NELFE: variants seen among roughly 807,000 people sequenced by gnomAD.
NELFE encodes negative elongation factor E.
Under a neutral mutation model 55.5 loss-of-function variants are expected in NELFE, and 26 were observed. The observed-to-expected ratio is 0.47, with a 90% confidence interval of 0.34 to 0.65. The LOEUF (loss-of-function observed/expected upper bound fraction) is 0.65, where lower values mean the gene tolerates loss of function less well. NELFE is among the 30% of genes least tolerant of loss of function. The pLI, the probability that NELFE is intolerant of heterozygous loss-of-function variation, is 0.01. For synonymous variants in NELFE, 162 were observed against 178.0 expected (o/e 0.91, Z 0.72); for missense variants, 403 against 506.9 (o/e 0.80, Z 1.97).
At chr6:31,953,946 T>A (rs1265137922) in intron 9 of NELFE, 115 bp from the exon 10 acceptor site, 1 of 1,328,828 alleles carries the variant, frequency 7.5e-7, no homozygotes, top group Non-Finnish European at 1.1e-6. Flanking sequence ...TCTGAGAATG[T>A]GAGTTTTTCT....
chr6:31,952,413 G>C lies in NELFE; in HGVS notation c.1046-15C>G. On this transcript the variant is annotated splice_polypyrimidine_tract_variant and intron_variant, in intron 10 of 10. Coordinates refer to ENST00000375429, the MANE Select transcript of NELFE (RefSeq NM_002904.6). ...GTTCTGGACAGCTAGGGAGGGAGGA[G>C]AGGAACAGTTAAGGTCTAAAGGAGA... 6.3e-7 allele frequency: 1 copy of C among 1,589,678 alleles called. No homozygotes were observed. Among genetic ancestry groups the C allele is most frequent in the Non-Finnish European group, 8.6e-7 (1 of 1,158,300 alleles).
Position 31,954,935 on chromosome 6 carries a change from C to T in NELFE, c.405-43G>A. On this transcript the variant is annotated intron_variant, in intron 6 of 10. Transcript: ENST00000375429. The surrounding 1 kb of genome is among the most constrained non-coding windows in gnomAD (Gnocchi z 5.5). ...GAAGATCAAAGGGGGGTTTTACCTT[C>T]TCCCCTCAGACCCTGTGGAGACTCA... 2 of 1,589,540 alleles carry T rather than the reference C, an allele frequency of 1.3e-6. No homozygotes were observed. Among genetic ancestry groups the T allele is most frequent in the South Asian group, 1.1e-5 (1 of 88,568 alleles).
In NELFE at chr6:31,954,754, G is replaced by T; in HGVS notation, c.543C>A (p.Ser181=). The T allele has an allele frequency of 2.5e-6, 4 of 1,613,340 alleles. No individual in the cohort carries two copies. The highest frequency in any genetic ancestry group is 3.4e-6 in the Non-Finnish European group (4 of 1,180,012). Residue 181 remains serine, a synonymous_variant, in exon 7 of 11, where the codon TCC becomes TCA. Transcript: ENST00000375429. This position sits in a 1 kb window ranked among gnomAD's most constrained non-coding sequence, Gnocchi z 5.5. Reference sequence around the variant, plus strand: ...GGTCCCGGCTGCGGCTTCGGGGAGGGGAGGCTGAGGAGTGGGCACCACTGC... The same window carrying T: ...GGTCCCGGCTGCGGCTTCGGGGAGGTGAGGCTGAGGAGTGGGCACCACTGC... ...EERSGAHSSA[S]PPRSRSRDRS... is the part of the protein sequence containing the mutation.
Position 31,952,239 on chromosome 6 carries a change from C to T in NELFE, c.*62G>A, listed in dbSNP as rs1344853890. 6.8e-7 allele frequency: 1 copy of T among 1,477,018 alleles called. No individual in the cohort carries two copies. 91.5% of individuals were successfully genotyped at this position (1,477,018 alleles called of 1,614,324 possible). A position where few individuals can be genotyped will look rare whatever the true frequency, so the allele number is the denominator to read the frequency against. On this transcript the variant is annotated 3_prime_UTR_variant, in exon 11 of 11. Coordinates refer to ENST00000375429, the MANE Select transcript of NELFE (RefSeq NM_002904.6). ...CTGAGGGAGATGTGTAAGCTTCCAC[C>T]TCAGTGTTTTACTGAGACCAGCATT...
intron 10 of NELFE, among the ~76,000 whole-genome samples, 174 bp from the exon 11 acceptor site, chr6:31,952,572 G>A (rs1771838596): frequency 6.6e-6 from 1 of 152,176 alleles, no homozygotes; most frequent in South Asian, 2.1e-4. Flanking sequence ...CCAACCCATG[G>A]CCAAGAAAAG....
In NELFE at chr6:31,954,271, C is replaced by T. The variant is rs765973419; in HGVS notation, c.887+27G>A. ...ACACCCCAGGATTCTCCCAGGACTT[C>T]TCATCATGCCCTGTTGTCATCCTTA... is the stretch of plus-strand genomic sequence containing the variant. On this transcript the variant is annotated intron_variant, in intron 8 of 10. Transcript: ENST00000375429. The surrounding 1 kb of genome is among the most constrained non-coding windows in gnomAD (Gnocchi z 5.5). 6.2e-7 allele frequency: 1 copy of T among 1,608,810 alleles called. No homozygotes were observed.
chr6:31,955,445 C>T (rs1772019578), intron 4 of NELFE, 152 bp from the exon 5 acceptor site: 3 of 497,342 alleles, frequency 6.0e-6, no homozygotes, highest in African/African-American at 2.2e-5. Context: ...CGTGGTTTTA[C>T]TTATTTTTTT....
At chr6:31,953,145 G>A (rs1384575458) in intron 10 of NELFE, among the ~76,000 whole-genome samples, 1 of 152,104 alleles carries the variant, frequency 6.6e-6, no homozygotes, top group Non-Finnish European at 1.5e-5. Flanking sequence ...CCAGCCCTCC[G>A]ACCCCTCCTC....
Position 31,952,118 on chromosome 6 carries a change from G to A in NELFE, c.*183C>T, listed in dbSNP as rs1466653868. Reference sequence around the variant, plus strand: ...CCAGATCCTTTTGGGGCAAGGGAGTGGGGAACAGGCACTGGCCATGTTGTT... The same window carrying A: ...CCAGATCCTTTTGGGGCAAGGGAGTAGGGAACAGGCACTGGCCATGTTGTT... On this transcript the variant is annotated 3_prime_UTR_variant, in exon 11 of 11. Transcript: ENST00000375429. The A allele has an allele frequency of 9.6e-6, 15 of 1,568,956 alleles. No individual in the cohort carries two copies. Among genetic ancestry groups the A allele is most frequent in the Non-Finnish European group, 1.1e-5 (13 of 1,144,180 alleles).
Position 31,954,573 on chromosome 6 carries a change from G to C in NELFE, c.724C>G (p.Arg242Gly), listed in dbSNP as rs770758394. ...RDRERDRDRDREGPFRRSDSF... is the reference protein window; with the variant it reads ...RDRERDRDRDGEGPFRRSDSF... ...CACTCACTGCGGAAAGGACCCTCTC[G>C]GTCTCGGTCTCGATCCCGCTCCCGA... is the stretch of plus-strand genomic sequence containing the variant. The change falls in exon 7 of 11, where the codon CGA (arginine) becomes GGA (glycine). Residue 242 changes from arginine (R) to glycine (G), a missense_variant. Arg to Gly is a moderately radical substitution (Grantham distance 125). This residue lies in a region of NELFE where 229 missense variants were observed against 228.3 expected (regional missense o/e 1.00). Transcript: ENST00000375429. The surrounding 1 kb of genome is among the most constrained non-coding windows in gnomAD (Gnocchi z 5.5). The C allele has an allele frequency of 1.1e-5, 18 of 1,592,942 alleles. No homozygotes were observed. Among genetic ancestry groups the C allele is most frequent in the Non-Finnish European group, 1.4e-5 (17 of 1,175,928 alleles).
intron 2 of NELFE, chr6:31,957,242 G>T: frequency 1.6e-6 from 1 of 609,488 alleles, no homozygotes; most frequent in East Asian, 2.8e-5. Flanking sequence ...TTACATTTTT[G>T]AAGTTGAAGA....
At chr6:31,957,249 A>G in intron 2 of NELFE, 1 of 609,926 alleles carries the variant, frequency 1.6e-6, no homozygotes, top group Non-Finnish European at 2.9e-6. Context: ...TTTGAAGTTG[A>G]AGACAAATAA....
Position 31,952,242 on chromosome 6 carries a change from A to G in NELFE, c.*59T>C. ...AGGGAGATGTGTAAGCTTCCACCTC[A>G]GTGTTTTACTGAGACCAGCATTGGG... is the stretch of plus-strand genomic sequence containing the variant. On this transcript the variant is annotated 3_prime_UTR_variant, in exon 11 of 11. Coordinates refer to ENST00000375429, the MANE Select transcript of NELFE (RefSeq NM_002904.6). 1 of 1,480,014 alleles carries G rather than the reference A, an allele frequency of 6.8e-7. No homozygotes were observed. Among genetic ancestry groups the G allele is most frequent in the Non-Finnish European group, 9.4e-7 (1 of 1,065,248 alleles). 91.7% of individuals were successfully genotyped at this position (1,480,014 alleles called of 1,614,324 possible). A position where few individuals can be genotyped will look rare whatever the true frequency, so the allele number is the denominator to read the frequency against.
chr6:31,956,898 T>C (rs1425157517), intron 3 of NELFE, 43 bp downstream of exon 3: 1 of 1,612,916 alleles, frequency 6.2e-7, no homozygotes, highest in East Asian at 2.2e-5. Flanking sequence ...GTCAGCTCCA[T>C]GCTGCCCACT....
Position 31,954,437 on chromosome 6 carries a change from C to A in NELFE, c.748G>T (p.Asp250Tyr), listed in dbSNP as rs1371622390. The A allele has an allele frequency of 1.3e-6, 2 of 1,599,180 alleles. No individual in the cohort carries two copies. The highest frequency in any genetic ancestry group is 1.3e-5 in the African/African-American group (1 of 74,458). Residue 250 changes from aspartate (D) to tyrosine (Y), a missense_variant, in exon 8 of 11, where the codon GAT becomes TAT. Physicochemically the swap from Asp to Tyr is radical, Grantham distance 160. Coordinates refer to ENST00000375429, the MANE Select transcript of NELFE (RefSeq NM_002904.6). The surrounding 1 kb of genome is among the most constrained non-coding windows in gnomAD (Gnocchi z 5.5). ...GGGGCTCGCCGTTCAGGGAATGAAT[C>A]CGACCCTTTGGGAGCACAAATCATA... ...RDREGPFRRS[D>Y]SFPERRAPRK...
chr6:31,954,519 T>C lies in NELFE; in HGVS notation c.742+36A>G. 2 of 1,589,006 alleles carry C rather than the reference T, an allele frequency of 1.3e-6. No homozygotes were observed. The highest frequency in any genetic ancestry group is 1.2e-5 in the South Asian group (1 of 86,576). On this transcript the variant is annotated intron_variant, in intron 7 of 10. Coordinates refer to ENST00000375429, the MANE Select transcript of NELFE (RefSeq NM_002904.6). The surrounding 1 kb of genome is among the most constrained non-coding windows in gnomAD (Gnocchi z 5.5). ...TTAGTAGGACCCACATAAACCTCAGTTAAGGTCACCTTGACCTCCAGCCAA... is the reference window on the plus strand; with the variant it reads ...TTAGTAGGACCCACATAAACCTCAGCTAAGGTCACCTTGACCTCCAGCCAA...
intron 1 of NELFE, 69 bp from the exon 2 acceptor site, chr6:31,958,523 A>G: frequency 7.9e-7 from 1 of 1,263,316 alleles, no homozygotes; most frequent in Non-Finnish European, 1.2e-6. Context: ...CGCCGTCCAC[A>G]CTGTACCCAA....
At chr6:31,955,926 C>T (rs1772060891) in intron 4 of NELFE, among the ~76,000 whole-genome samples, 1 of 150,304 alleles carries the variant, frequency 6.7e-6, no homozygotes, top group Non-Finnish European at 1.5e-5. Context: ...TGCACCACCA[C>T]ATTCTGCTAA....
intron 10 of NELFE, among the ~76,000 whole-genome samples, chr6:31,953,256 T>C (rs1361376516): frequency 1.3e-5 from 2 of 152,202 alleles, no homozygotes; most frequent in South Asian, 2.1e-4. Flanking sequence ...CCTAACATAG[T>C]CCCAGAGTAC....
Sources: allele counts gnomAD v4.1 joint callset (sites outside exome capture counted in the v4.1 genomes callset), GRCh38; gene constraint gnomAD v4.1.1; regional missense constraint gnomAD v4.1.1; non-coding constraint Gnocchi (gnomAD v3.1); transcripts MANE v1.5; gene names NCBI Gene and HGNC (gene_info 2026-07-23, HGNC 2026-07-21).